Variants in PHF21A observed in about 807,000 individuals in gnomAD.
PHF21A encodes the protein PHD finger protein 21A, also known as BHC80a.
PHF21A carries 11 observed loss-of-function variants against 82.5 expected under a neutral mutation model. The ratio of observed to expected loss-of-function variants is 0.13; its 90% CI spans 0.08 to 0.22. The LOEUF (loss-of-function observed/expected upper bound fraction) is 0.22. Among genes scored for constraint, PHF21A ranks in the 10% least tolerant of loss-of-function variants. The pLI, the probability that PHF21A is intolerant of heterozygous loss-of-function variation, is 1.00. For synonymous variants in PHF21A, 297 were observed against 302.8 expected (o/e 0.98, Z 0.20); for missense variants, 579 against 837.8 (o/e 0.69, Z 3.81).
chr11:46,103,251 C>A (rs1250131800), intron 1 of PHF21A, among the ~76,000 whole-genome samples: 5 of 152,200 alleles, frequency 3.3e-5, no homozygotes, highest in Non-Finnish European at 7.3e-5. Flanking sequence ...AAAGTTTCCA[C>A]AATTCCATTC....
At chr11:45,974,178 C>T (rs2093911676) in intron 7 of PHF21A, among the ~76,000 whole-genome samples, 2 of 152,140 alleles carry the variant, frequency 1.3e-5, no homozygotes, top group African/African-American at 4.8e-5. Flanking sequence ...CTGTATGCTT[C>T]AGTGAAAACT....
chr11:45,964,041 T>C (rs2093278489), intron 10 of PHF21A, among the ~76,000 whole-genome samples: 1 of 151,678 alleles, frequency 6.6e-6, no homozygotes, highest in Non-Finnish European at 1.5e-5. Flanking sequence ...CTACTAAAAA[T>C]ACAAAATTAG....
intron 7 of PHF21A, among the ~76,000 whole-genome samples, chr11:45,977,873 A>G (rs968854575): frequency 6.9e-6 from 1 of 144,708 alleles, no homozygotes; most frequent in African/African-American, 2.6e-5. Flanking sequence ...GAATGGCAGT[A>G]CAGAAGAGTA....
chr11:46,031,746 T>C (rs972721180), intron 6 of PHF21A, among the ~76,000 whole-genome samples: 4 of 152,202 alleles, frequency 2.6e-5, no homozygotes, highest in Non-Finnish European at 5.9e-5. Context: ...TCTAATAGTG[T>C]CTGGAAAAGA....
chr11:45,989,568 C>G (rs1305976416), intron 6 of PHF21A, among the ~76,000 whole-genome samples: 6 of 150,930 alleles, frequency 4.0e-5, no homozygotes, highest in African/African-American at 1.5e-4. Context: ...ACTCGGGAGG[C>G]TGAGGCAGGA....
intron 1 of PHF21A, among the ~76,000 whole-genome samples, chr11:46,104,319 A>G (rs2097130725): frequency 6.6e-6 from 1 of 152,208 alleles, no homozygotes; most frequent in Non-Finnish European, 1.5e-5. Context: ...TGAGAGTTAC[A>G]ATGCCTAGTC....
chr11:46,106,263 T>C (rs894533270), intron 1 of PHF21A, among the ~76,000 whole-genome samples: 2 of 152,254 alleles, frequency 1.3e-5, no homozygotes, highest in African/African-American at 4.8e-5. Context: ...TATTTCTTTA[T>C]ACCAAGTTGT....
At chr11:46,050,077 G>C (rs755338228) in intron 6 of PHF21A, among the ~76,000 whole-genome samples, 23 of 152,226 alleles carry the variant, frequency 1.5e-4, no homozygotes, top group Non-Finnish European at 2.9e-4. Flanking sequence ...TTCCCCAGCA[G>C]AGTTAGCGAT....
chr11:45,992,090 A>T (rs1292254633), intron 6 of PHF21A, among the ~76,000 whole-genome samples: 1 of 152,230 alleles, frequency 6.6e-6, no homozygotes, highest in Non-Finnish European at 1.5e-5. Context: ...CCCTAATAAC[A>T]CTAATCAATG....
At chr11:46,027,360 T>C (rs2095768658) in intron 6 of PHF21A, among the ~76,000 whole-genome samples, 1 of 152,220 alleles carries the variant, frequency 6.6e-6, no homozygotes, top group Non-Finnish European at 1.5e-5. Flanking sequence ...GTTTAACAGG[T>C]TTGCACTCCT....
chr11:46,058,445 T>C (rs1385021170), intron 6 of PHF21A, among the ~76,000 whole-genome samples: 1 of 152,220 alleles, frequency 6.6e-6, no homozygotes, highest in East Asian at 1.9e-4. Context: ...CTTAGTCTTG[T>C]AGGACTGATA....
At chr11:45,980,016 T>C (rs1344969602) in intron 6 of PHF21A, 50 bp from the exon 7 acceptor site, 5 of 1,611,046 alleles carry the variant, frequency 3.1e-6, no homozygotes, top group South Asian at 1.1e-5. Context: ...TACTGCTCTA[T>C]CAGCTGCACA....
intron 7 of PHF21A, among the ~76,000 whole-genome samples, chr11:45,977,802 T>C (rs115286836): frequency 1.0e-3 from 157 of 152,198 alleles, no homozygotes; most frequent in African/African-American, 3.7e-3. Context: ...TTTGGTTTTA[T>C]ACAGTATTGG....
chr11:46,007,309 T>A lies in PHF21A; in HGVS notation c.154-27343A>T, dbSNP rs551172943. Among the ~76,000 whole-genome samples the A allele has an allele frequency of 9.0e-4, 137 of 151,956 alleles. 4 individuals are homozygous for A. The South Asian group carries it at 0.027, about 30-fold the overall frequency. ...AGAAGATACTTCCATCTACCTTTTT[T>A]CTTCTTCTTCTTTTTTTTTTTTTCG... On this transcript the variant is annotated intron_variant, in intron 6 of 18. Coordinates refer to ENST00000676320, the MANE Select transcript of PHF21A (RefSeq NM_001352027.3).
chr11:46,108,198 T>G (rs965120108), intron 1 of PHF21A, among the ~76,000 whole-genome samples: 2 of 152,188 alleles, frequency 1.3e-5, no homozygotes, highest in African/African-American at 4.8e-5. Context: ...TAAATGTTAT[T>G]TGAAAACACA....
At chr11:46,025,512 G>T (rs1289269582) in intron 6 of PHF21A, among the ~76,000 whole-genome samples, 1 of 152,090 alleles carries the variant, frequency 6.6e-6, no homozygotes, top group African/African-American at 2.4e-5. Context: ...TATAGCTCTG[G>T]ACTACAAAAG....
intron 6 of PHF21A, among the ~76,000 whole-genome samples, chr11:45,982,691 C>T (rs1370682005): frequency 6.6e-6 from 1 of 152,064 alleles, no homozygotes; most frequent in African/African-American, 2.4e-5. Context: ...TCCTCCTCCC[C>T]ATCAGACATC....
chr11:46,048,216 G>A (rs767594928), intron 6 of PHF21A, among the ~76,000 whole-genome samples: 1 of 152,136 alleles, frequency 6.6e-6, no homozygotes, highest in African/African-American at 2.4e-5. Context: ...CTCCAGGGAG[G>A]TGCATATTCT....
In PHF21A at chr11:45,932,746, T is replaced by A. The variant is rs1406025162; in HGVS notation, c.*1222A>T. 2.0e-5 allele frequency: 3 copies of A among 152,500 alleles called. No individual in the cohort carries two copies. Among genetic ancestry groups the A allele is most frequent in the Non-Finnish European group, 4.4e-5 (3 of 68,016 alleles). The allele number at this position is 152,500 out of a possible 1,614,324, so 9.4% of individuals were successfully genotyped here. A position where few individuals can be genotyped will look rare whatever the true frequency, so the allele number is the denominator to read the frequency against. ...GTTTTTTTTCCCCAGATACAAAGAT[T>A]TTTGCCCTTGCATAAAAAAACAGTG... On this transcript the variant is annotated 3_prime_UTR_variant, in exon 19 of 19. Transcript: ENST00000676320. This position sits in a 1 kb window ranked among gnomAD's most constrained non-coding sequence, Gnocchi z 4.3.
Sources: gnomAD v4.1 joint callset for allele counts (sites outside exome capture counted in the v4.1 genomes callset) on GRCh38, gnomAD v4.1.1 for gene constraint, Gnocchi (gnomAD v3.1) non-coding constraint, MANE v1.5 for transcripts, NCBI Gene and HGNC (gene_info 2026-07-23, HGNC 2026-07-21) for gene names.